The following AGL variants were observed in gnomAD, a reference collection of about 807,000 sequenced individuals.
AGL encodes glycogen debranching enzyme.
Under a neutral mutation model 199.3 loss-of-function variants are expected in AGL, and 128 were observed. The observed-to-expected ratio is 0.64, with a 90% confidence interval of 0.56 to 0.74. The LOEUF is 0.74. Ranked by LOEUF, AGL falls within the 30% of genes least tolerant of loss-of-function variation. The probability of loss-of-function intolerance (pLI) is 0.00; values close to 1 mark genes in which losing one functional copy is unlikely to be tolerated. For missense variants in AGL, 1,809 were observed against 1,820.8 expected (o/e 0.99, Z 0.12); for synonymous variants, 584 against 594.7 (o/e 0.98, Z 0.26).
At chr1:99,852,231 T>A (rs1381301963) in intron 2 of AGL, among the ~76,000 whole-genome samples, 2 of 152,184 alleles carry the variant, frequency 1.3e-5, no homozygotes, top group Non-Finnish European at 2.9e-5. Flanking sequence ...AGCCTTGAGC[T>A]TTCTTCTTCT....
chr1:99,890,356 G>A (rs1056817987), intron 21 of AGL, among the ~76,000 whole-genome samples: 1 of 151,184 alleles, frequency 6.6e-6, no homozygotes, highest in East Asian at 1.9e-4. Flanking sequence ...GGCATATGTA[G>A]AATATTATTT....
chr1:99,871,973 A>G (rs1401292417), intron 7 of AGL, among the ~76,000 whole-genome samples: 1 of 151,820 alleles, frequency 6.6e-6, no homozygotes, highest in Non-Finnish European at 1.5e-5. Context: ...AATTCTATAT[A>G]TGGTAAGTAC....
At chr1:99,883,810 G>A (rs993399806) in intron 17 of AGL, among the ~76,000 whole-genome samples, 18 of 151,944 alleles carry the variant, frequency 1.2e-4, no homozygotes, top group Non-Finnish European at 2.4e-4. Context: ...AATATTCCAA[G>A]TTTTAAAAAA....
At chr1:99,902,144 A>G (rs1199241433) in intron 26 of AGL, among the ~76,000 whole-genome samples, 5 of 152,184 alleles carry the variant, frequency 3.3e-5, no homozygotes, top group African/African-American at 1.2e-4. Context: ...TTTTAAAAAT[A>G]TAATTGTATA....
chr1:99,915,726 G>A (rs1334768491), intron 31 of AGL, among the ~76,000 whole-genome samples: 1 of 151,584 alleles, frequency 6.6e-6, no homozygotes, highest in African/African-American at 2.4e-5. Flanking sequence ...AGCTATGATG[G>A]CACCACTGCA....
chr1:99,872,077 A>G (rs1651068789), intron 7 of AGL, among the ~76,000 whole-genome samples: 1 of 152,226 alleles, frequency 6.6e-6, no homozygotes, highest in Non-Finnish European at 1.5e-5. Context: ...TGAATTTATT[A>G]TAGCTAATTA....
At chr1:99,915,359 A>T in intron 30 of AGL, 30 bp from the exon 31 acceptor site, 1 of 1,545,490 alleles carries the variant, frequency 6.5e-7, no homozygotes, top group Non-Finnish European at 8.9e-7. Flanking sequence ...GATCTTAAAA[A>T]TTTGTATATT....
chr1:99,905,162 G>A (rs1006396803), intron 27 of AGL, among the ~76,000 whole-genome samples: 2 of 151,628 alleles, frequency 1.3e-5, no homozygotes, highest in African/African-American at 4.8e-5. Context: ...CTTTTAAGCT[G>A]TTCAGATAGC....
chr1:99,910,680 A>C, intron 27 of AGL, 32 bp from the exon 28 acceptor site: 1 of 1,345,698 alleles, frequency 7.4e-7, no homozygotes, highest in Non-Finnish European at 1.0e-6. Context: ...AATACTTATA[A>C]AATTTTATTT....
chr1:99,850,815 A>G (rs1207296762), intron 1 of AGL, 160 bp from the exon 2 acceptor site: 1 of 549,800 alleles, frequency 1.8e-6, no homozygotes, highest in Non-Finnish European at 3.3e-6. Flanking sequence ...GGAAACAACT[A>G]TTAATTTGCC....
intron 33 of AGL, among the ~76,000 whole-genome samples, chr1:99,919,805 C>G (rs1008801555): frequency 6.6e-6 from 1 of 152,188 alleles, no homozygotes; most frequent in Non-Finnish European, 1.5e-5. Context: ...GCCTGCTACC[C>G]CACAGTAAGC....
chr1:99,858,382 G>A (rs1009154805), intron 2 of AGL, among the ~76,000 whole-genome samples: 5 of 152,216 alleles, frequency 3.3e-5, no homozygotes, highest in Admixed American at 2.0e-4. Context: ...GCTTGGAGCA[G>A]AGTTTGGCAC....
At chr1:99,921,461 A>G in intron 33 of AGL, 73 bp from the exon 34 acceptor site, 1 of 1,075,318 alleles carries the variant, frequency 9.3e-7, no homozygotes, top group Non-Finnish European at 1.4e-6. Flanking sequence ...GAAGGCAAAA[A>G]TCACCAGGTC....
chr1:99,910,657 A>G (rs1654676934), intron 27 of AGL, 55 bp from the exon 28 acceptor site: 3 of 936,806 alleles, frequency 3.2e-6, no homozygotes, highest in Middle Eastern at 3.8e-4. Flanking sequence ...AAATATTTGT[A>G]TATACTATAT....
chr1:99,877,576 T>C, intron 11 of AGL, 65 bp from the exon 12 acceptor site: 2 of 1,464,224 alleles, frequency 1.4e-6, no homozygotes, highest in Non-Finnish European at 1.9e-6. Context: ...AAACCAGTGT[T>C]TCCTTGAAGT....
At chr1:99,876,672 T>A in intron 11 of AGL, 75 bp downstream of exon 11, 1 of 1,506,726 alleles carries the variant, frequency 6.6e-7, no homozygotes, top group Non-Finnish European at 9.2e-7. Flanking sequence ...TCTGCTTTAC[T>A]GATTTTCTTC....
intron 2 of AGL, 34 bp downstream of exon 2, chr1:99,851,158 C>T (rs961230782): frequency 2.6e-6 from 4 of 1,560,692 alleles, no homozygotes; most frequent in African/African-American, 2.7e-5. Context: ...TGCTCATTTG[C>T]GTCTTTTAAA....
intron 2 of AGL, among the ~76,000 whole-genome samples, chr1:99,854,054 C>G (rs987169528): frequency 6.6e-6 from 1 of 151,578 alleles, no homozygotes; most frequent in Non-Finnish European, 1.5e-5. Context: ...ATTAGCCAGG[C>G]GTGGTGGCGC....
At chr1:99,903,311 G>A (rs1394283766) in intron 27 of AGL, among the ~76,000 whole-genome samples, 1 of 151,644 alleles carries the variant, frequency 6.6e-6, no homozygotes, top group East Asian at 1.9e-4. Context: ...ACAGGCCCCA[G>A]TATGTGATAT....
Sources: allele counts gnomAD v4.1 joint callset (sites outside exome capture counted in the v4.1 genomes callset), GRCh38; gene constraint gnomAD v4.1.1; transcripts MANE v1.5; gene names NCBI Gene and HGNC (gene_info 2026-07-23, HGNC 2026-07-21).